RBBP8: variants seen among roughly 807,000 people sequenced by gnomAD.
RBBP8 encodes the protein DNA endonuclease RBBP8.
Under a neutral mutation model 108.3 loss-of-function variants are expected in RBBP8, and 88 were observed. The observed-to-expected ratio is 0.81, with a 90% CI of 0.68 to 0.97. The LOEUF (loss-of-function observed/expected upper bound fraction) is 0.97, where lower values mean the gene tolerates loss of function less well. RBBP8 is among the 50% of genes least tolerant of loss of function. The pLI, the probability that RBBP8 is intolerant of heterozygous loss-of-function variation, is 0.00. For missense variants in RBBP8, 1,023 were observed against 1,049.0 expected, an observed-to-expected ratio of 0.98 and a Z score of 0.34; for synonymous variants, 332 against 348.2, an observed-to-expected ratio of 0.95 and a Z score of 0.52.
intron 4 of RBBP8, among the ~76,000 whole-genome samples, chr18:22,958,536 TA>T (rs1912783500): frequency 6.6e-6 from 1 of 152,098 alleles, no homozygotes; most frequent in South Asian, 2.1e-4. Context: ...ACTCATTCAT[TA>T]ATTTTTTTTT....
At chr18:22,984,396 T>G (rs1915173361) in intron 7 of RBBP8, among the ~76,000 whole-genome samples, 1 of 152,132 alleles carries the variant, frequency 6.6e-6, no homozygotes, top group Non-Finnish European at 1.5e-5. Flanking sequence ...TATTGATTGA[T>G]TATTTGAGAT....
Position 23,001,473 on chromosome 18 carries a change from G to A in RBBP8, c.2144-113G>A, listed in dbSNP as rs1043581997. 48 of 1,190,254 alleles carry A rather than the reference G, an allele frequency of 4.0e-5. No individual in the cohort carries two copies. The Admixed American group carries it at 8.4e-4, about 21-fold the overall frequency. The allele number at this position is 1,190,254 out of a possible 1,614,324, so 73.7% of individuals were successfully genotyped here. On this transcript the variant is annotated intron_variant, in intron 14 of 18. Coordinates refer to ENST00000327155, the MANE Select transcript of RBBP8 (RefSeq NM_002894.3). ...TATTTTAACAACCGTATTTTAAGAAGTGTCTTTAAGGACTGCATTCTGTTA... is the reference window on the plus strand; with the variant it reads ...TATTTTAACAACCGTATTTTAAGAAATGTCTTTAAGGACTGCATTCTGTTA...
At chr18:22,915,340 T>C (rs1261109285) in intron 1 of RBBP8, 1 of 152,140 alleles carries the variant, frequency 6.6e-6, no homozygotes, top group African/African-American at 2.4e-5. Flanking sequence ...AAGGCTATAA[T>C]ATTAGTTTCC....
chr18:22,947,772 T>C (rs1911693130), intron 3 of RBBP8, among the ~76,000 whole-genome samples: 2 of 152,126 alleles, frequency 1.3e-5, no homozygotes, highest in Non-Finnish European at 2.9e-5. Context: ...ATTTGCTTTT[T>C]TAAAGACCTT....
intron 12 of RBBP8, 111 bp downstream of exon 12, chr18:22,993,958 T>C: frequency 8.9e-7 from 1 of 1,125,432 alleles, no homozygotes; most frequent in Non-Finnish European, 1.3e-6. Context: ...TATTTCTTCC[T>C]TCAGGTGTCT....
At chr18:22,985,175 A>G (rs990711326) in intron 8 of RBBP8, 185 bp downstream of exon 8, 5 of 316,780 alleles carry the variant, frequency 1.6e-5, no homozygotes, top group Middle Eastern at 1.5e-3. Flanking sequence ...AATATCCCTA[A>G]TCATATTAAT....
intron 12 of RBBP8, among the ~76,000 whole-genome samples, chr18:22,995,500 T>C (rs1180679156): frequency 6.6e-6 from 1 of 152,224 alleles, no homozygotes; most frequent in Non-Finnish European, 1.5e-5. Flanking sequence ...TGGTTTGGTA[T>C]ACCCACAGAG....
chr18:22,957,565 G>A lies in RBBP8; in HGVS notation c.248+7852G>A, dbSNP rs1912691303. On this transcript the variant is annotated intron_variant, in intron 4 of 18. Coordinates refer to ENST00000327155, the MANE Select transcript of RBBP8 (RefSeq NM_002894.3). The stretch of plus-strand genomic sequence containing the variant: ...CTGGAATAAACTCAGAATGCATGTT[G>A]CTTTCTGCCTTTTGTGGAATTGCCC... Among the ~76,000 whole-genome samples, 3 of 152,052 alleles carry A rather than the reference G, an allele frequency of 2.0e-5. No homozygotes were observed. The South Asian group carries it at 6.2e-4, about 32-fold the overall frequency.
chr18:22,918,020 A>C (rs1158237232), intron 3 of RBBP8, among the ~76,000 whole-genome samples: 1 of 151,342 alleles, frequency 6.6e-6, no homozygotes, highest in Non-Finnish European at 1.5e-5. Context: ...AAAAACATAT[A>C]ATGTTGGAAA....
chr18:22,982,392 T>C lies in RBBP8; in HGVS notation c.603T>C (p.Asn201=), dbSNP rs367692558. Residue 201 remains asparagine (N), a splice_region_variant and synonymous_variant, in exon 7 of 19, where the codon AAT becomes AAC. Transcript: ENST00000327155. ...AATTGGAGCACTCTGTGTGTGCAAA[T>C]GGTAAGAGTTGGAGTTGTATTTTAG... ...HTKLEHSVCA[N]EMRKVSKSST... is the part of the protein sequence containing the mutation. 8.7e-6 allele frequency: 14 copies of C among 1,613,712 alleles called. No individual in the cohort carries two copies. Among genetic ancestry groups the C allele is most frequent in the Non-Finnish European group, 1.1e-5 (13 of 1,179,942 alleles).
At chr18:22,985,142 A>G (rs1172053167) in intron 8 of RBBP8, 152 bp downstream of exon 8, 2 of 1,015,052 alleles carry the variant, frequency 2.0e-6, no homozygotes, top group Non-Finnish European at 2.8e-6. Context: ...CATATTGGAA[A>G]GTAATGTTAT....
At chr18:22,948,709 C>T (rs1287212283) in intron 3 of RBBP8, among the ~76,000 whole-genome samples, 1 of 152,100 alleles carries the variant, frequency 6.6e-6, no homozygotes, top group Admixed American at 6.6e-5. Flanking sequence ...GACTGATTTG[C>T]CACTCTTAAT....
At chr18:22,984,799 T>C in intron 7 of RBBP8, 87 bp from the exon 8 acceptor site, 1 of 772,944 alleles carries the variant, frequency 1.3e-6, no homozygotes, top group East Asian at 2.9e-5. Flanking sequence ...ACATAAAAAT[T>C]TTAAATATGA....
At chr18:23,008,153 C>G (rs910006549) in intron 16 of RBBP8, among the ~76,000 whole-genome samples, 2 of 152,144 alleles carry the variant, frequency 1.3e-5, no homozygotes, top group Non-Finnish European at 2.9e-5. Context: ...TTCTGCCTTT[C>G]ACAAGGACTG....
rs199668538 is a variant in RBBP8 at position 22,993,254 on chromosome 18, A to C, written c.1427A>C (p.Asp476Ala). Residue 476 changes from aspartate (D) to alanine (A), a missense_variant, in exon 11 of 19, where the codon GAT (aspartate) becomes GCT (alanine). By Grantham distance (126) the Asp-to-Ala change is moderately radical (BLOSUM62 -2). Coordinates refer to ENST00000327155, the MANE Select transcript of RBBP8 (RefSeq NM_002894.3). ...GAAAATGCTTTCCCTTTTCCAATGGATAATCAGTTTTCCATGAATGGAGAC... is the reference window on the plus strand; with the variant it reads ...GAAAATGCTTTCCCTTTTCCAATGGCTAATCAGTTTTCCATGAATGGAGAC... ...DKENAFPFPM[D>A]NQFSMNGDCV... 16 of 1,614,122 alleles carry C rather than the reference A, an allele frequency of 9.9e-6. No homozygotes were observed. Among genetic ancestry groups the C allele is most frequent in the African/African-American group, 1.3e-5 (1 of 74,940 alleles).
chr18:22,986,403 T>G (rs1915328821), intron 8 of RBBP8, among the ~76,000 whole-genome samples: 2 of 152,168 alleles, frequency 1.3e-5, no homozygotes, highest in South Asian at 4.1e-4. Context: ...TAAGGTGTAA[T>G]GGTGACCATC....
At chr18:22,955,815 C>A (rs563065305) in intron 4 of RBBP8, among the ~76,000 whole-genome samples, 31 of 152,074 alleles carry the variant, frequency 2.0e-4, no homozygotes, top group Non-Finnish European at 3.8e-4. Flanking sequence ...CTCCTGACCT[C>A]GTGATCTGCC....
At position 22,975,209 on chromosome 18, in the gene RBBP8, CA is replaced by C. The variant is rs1242425323; in HGVS notation, c.419del (p.Gln140ArgfsTer26). 1 of 1,612,568 alleles carries C rather than the reference CA, an allele frequency of 6.2e-7. No homozygotes were observed. Among genetic ancestry groups the C allele is most frequent in the Non-Finnish European group, 8.5e-7 (1 of 1,179,186 alleles). On this transcript the variant is annotated frameshift_variant, in exon 6 of 19. Coordinates refer to ENST00000327155, the MANE Select transcript of RBBP8 (RefSeq NM_002894.3). LOFTEE classifies it high-confidence loss of function. ...TAAAAAGCTTTCTGAACAACTCCAG[CA>C]GAAAATTGAGTAAGTATTTTCCTCC... ...ENKKLSEQLQQKIENDQQHQA... is the reference protein window; with the variant it reads ...ENKKLSEQLQXKIENDQQHQA...
At chr18:22,959,870 CTTTTTTTT>C (rs35259762) in intron 4 of RBBP8, among the ~76,000 whole-genome samples, 3 of 86,408 alleles carry the variant, frequency 3.5e-5, no homozygotes, top group Non-Finnish European at 4.5e-5. Context: ...GATGAACTTT[CTTTTTTTT>C]TTTTTTTTTT....
Sources: gnomAD v4.1 joint callset for allele counts (sites outside exome capture counted in the v4.1 genomes callset) on GRCh38, gnomAD v4.1.1 for gene constraint, MANE v1.5 for transcripts, NCBI Gene and HGNC (gene_info 2026-07-23, HGNC 2026-07-21) for gene names.